ATG10: variants seen among roughly 807,000 people sequenced by gnomAD.
The protein encoded by ATG10 is autophagy related 10.
Under a neutral mutation model 32.1 loss-of-function variants are expected in ATG10, and 30 were observed. That is an observed-to-expected ratio of 0.94 (90% CI 0.70 to 1.27). The LOEUF (loss-of-function observed/expected upper bound fraction) is 1.27, where lower values mean the gene tolerates loss of function less well. Among genes scored for constraint, ATG10 ranks in the 50% most tolerant of loss-of-function variants. ATG10 has a pLI of 0.00. For synonymous variants in ATG10, 87 were observed against 91.5 expected, an observed-to-expected ratio of 0.95 and a Z score of 0.28; for missense variants, 233 against 262.3, an observed-to-expected ratio of 0.89 and a Z score of 0.77.
intron 2 of ATG10, among the ~76,000 whole-genome samples, chr5:82,026,059 T>C (rs1472001694): frequency 1.3e-5 from 2 of 152,236 alleles, no homozygotes; most frequent in Non-Finnish European, 2.9e-5. Flanking sequence ...TTCACATTGC[T>C]ATGTAACCAT....
At chr5:82,237,696 C>T (rs1000221160) in intron 5 of ATG10, among the ~76,000 whole-genome samples, 4 of 151,904 alleles carry the variant, frequency 2.6e-5, no homozygotes, top group East Asian at 1.9e-4. Context: ...CAGAAGTGAC[C>T]TCTCCTTTCT....
chr5:82,123,598 A>G (rs1766133846), intron 3 of ATG10, among the ~76,000 whole-genome samples: 1 of 151,914 alleles, frequency 6.6e-6, no homozygotes, highest in South Asian at 2.1e-4. Context: ...TGAAAGCTAG[A>G]TATTTTGCTA....
chr5:82,118,387 C>CATAT (rs71605823), intron 3 of ATG10, among the ~76,000 whole-genome samples: 39,862 of 80,680 alleles, frequency 0.49, 9,972 homozygotes, highest in East Asian at 0.76. Context: ...AATATATGTA[C>CATAT]ATATATATAT....
intron 2 of ATG10, among the ~76,000 whole-genome samples, chr5:82,027,254 CT>C (rs2149711955): frequency 6.6e-6 from 1 of 151,902 alleles, no homozygotes; most frequent in South Asian, 2.1e-4. Flanking sequence ...TAAAAATTAC[CT>C]GAGCATGGTG....
chr5:82,242,146 T>TA (rs1353612652), intron 5 of ATG10, among the ~76,000 whole-genome samples: 1 of 152,114 alleles, frequency 6.6e-6, no homozygotes, highest in Non-Finnish European at 1.5e-5. Flanking sequence ...AACATATTTT[T>TA]AAAAATGGAT....
intron 2 of ATG10, among the ~76,000 whole-genome samples, chr5:81,988,622 C>T (rs987025784): frequency 1.3e-5 from 2 of 151,634 alleles, no homozygotes; most frequent in African/African-American, 4.9e-5. Context: ...TGAGTAGAGA[C>T]GGGGTTTCAC....
intron 4 of ATG10, among the ~76,000 whole-genome samples, chr5:82,168,779 ATGGAAAGTTT>A (rs920942524): frequency 2.6e-5 from 4 of 152,242 alleles, no homozygotes; most frequent in African/African-American, 7.2e-5. Context: ...AGAAAGAATA[ATGGAAAGTTT>A]GGAATTAAAG....
chr5:82,233,601 T>C (rs7341136), intron 5 of ATG10, among the ~76,000 whole-genome samples: 3 of 152,200 alleles, frequency 2.0e-5, no homozygotes, highest in Non-Finnish European at 4.4e-5. Flanking sequence ...CTATCCCTCA[T>C]GGACCTTCTA....
intron 3 of ATG10, among the ~76,000 whole-genome samples, chr5:82,136,291 T>C (rs981956919): frequency 3.2e-4 from 49 of 152,228 alleles, no homozygotes; most frequent in South Asian, 6.2e-4. Context: ...GTTATTTTGC[T>C]GGTTAGTTCA....
intron 5 of ATG10, among the ~76,000 whole-genome samples, chr5:82,223,126 C>T (rs1372985888): frequency 6.6e-6 from 1 of 152,128 alleles, no homozygotes; most frequent in African/African-American, 2.4e-5. Context: ...ACTAATAGCA[C>T]CAAACAAGGC....
chr5:82,240,935 G>A (rs1017318167), intron 5 of ATG10, among the ~76,000 whole-genome samples: 1 of 152,078 alleles, frequency 6.6e-6, no homozygotes, highest in African/African-American at 2.4e-5. Flanking sequence ...AAAAATTGGA[G>A]TATTTCAGCA....
chr5:82,029,609 G>A lies in ATG10; in HGVS notation c.109-28886G>A, dbSNP rs1157537960. Among the ~76,000 whole-genome samples the A allele has an allele frequency of 3.3e-5, 5 of 152,272 alleles. No homozygotes were observed. In the South Asian group the frequency reaches 8.3e-4, roughly 25 times the overall value. ...ATGACTTACTGATGTGGGGGATAAG[G>A]GTCAGCAGTAGTGGCATGATGGGTA... On this transcript the variant is annotated intron_variant, in intron 2 of 7. Transcript: ENST00000282185.
intron 5 of ATG10, among the ~76,000 whole-genome samples, chr5:82,245,160 G>A (rs974830687): frequency 2.6e-5 from 4 of 152,126 alleles, no homozygotes; most frequent in African/African-American, 4.8e-5. Context: ...AAAAGGGTAC[G>A]TTAAACAAAT....
chr5:82,178,385 G>T (rs1744111291), intron 4 of ATG10, 105 bp from the exon 5 acceptor site: 2 of 702,584 alleles, frequency 2.8e-6, no homozygotes, highest in East Asian at 2.5e-5. Context: ...GTGCACTGAA[G>T]ATCTTTCTAA....
chr5:82,253,348 G>T lies in ATG10; in HGVS notation c.586G>T (p.Val196Leu), dbSNP rs1747337004. Residue 196 changes from valine (V) to leucine (L), a missense_variant, in exon 7 of 8, where the codon GTA becomes TTA. By Grantham distance (32) the Val-to-Leu change is conservative. Transcript: ENST00000282185. ...CTATATCACATCATGGCTGAGCATT[G>T]TAGGGCCAGTTGTTGGGCTGAATCT... is the stretch of plus-strand genomic sequence containing the variant. ...VNYITSWLSI[V>L]GPVVGLNLPL... 4.3e-6 allele frequency: 7 copies of T among 1,613,188 alleles called. No individual in the cohort carries two copies. Among genetic ancestry groups the T allele is most frequent in the Non-Finnish European group, 5.9e-6 (7 of 1,179,224 alleles).
intron 3 of ATG10, among the ~76,000 whole-genome samples, chr5:82,099,561 A>G (rs1439273048): frequency 6.6e-6 from 1 of 152,160 alleles, no homozygotes; most frequent in African/African-American, 2.4e-5. Context: ...GGCATTGTGT[A>G]TATTAGACTG....
chr5:82,074,796 CTAACACTTTATGT>C (rs1437011928), intron 3 of ATG10, among the ~76,000 whole-genome samples: 1 of 152,164 alleles, frequency 6.6e-6, no homozygotes, highest in African/African-American at 2.4e-5. Context: ...AGAAAATCAC[CTAACACTTTATGT>C]TAAGTTTGAG....
intron 3 of ATG10, among the ~76,000 whole-genome samples, chr5:82,141,422 A>G (rs535718703): frequency 1.9e-4 from 29 of 152,284 alleles, no homozygotes; most frequent in South Asian, 1.0e-3. Context: ...TGTGTCCTTT[A>G]CTTAAAATAT....
At chr5:82,139,291 G>C (rs1420041426) in intron 3 of ATG10, among the ~76,000 whole-genome samples, 1 of 150,294 alleles carries the variant, frequency 6.7e-6, no homozygotes, top group African/African-American at 2.5e-5. Context: ...GAGTGTCTCT[G>C]CCTGGCCGCC....
Sources: allele counts gnomAD v4.1 joint callset (sites outside exome capture counted in the v4.1 genomes callset), GRCh38; gene constraint gnomAD v4.1.1; transcripts MANE v1.5; gene names NCBI Gene and HGNC (gene_info 2026-07-23, HGNC 2026-07-21).